SCAF8: variants seen among roughly 807,000 people sequenced by gnomAD.
The protein encoded by SCAF8 is SR-related CTD associated factor 8.
SCAF8 carries 23 observed loss-of-function variants against 140.5 expected under a neutral mutation model. The observed-to-expected ratio is 0.16, with a 90% CI of 0.12 to 0.23. The LOEUF (loss-of-function observed/expected upper bound fraction) is 0.23, where lower values mean the gene tolerates loss of function less well. SCAF8 is among the 10% of genes least tolerant of loss of function. The pLI, the probability that SCAF8 is intolerant of heterozygous loss-of-function variation, is 1.00. For missense variants in SCAF8, 1,397 were observed against 1,555.7 expected (o/e 0.90, Z 1.72); for synonymous variants, 575 against 528.9 (o/e 1.09, Z -1.20).
At chr6:154,818,192 T>C (rs1312599482) in intron 13 of SCAF8, among the ~76,000 whole-genome samples, 1 of 152,220 alleles carries the variant, frequency 6.6e-6, no homozygotes, top group Non-Finnish European at 1.5e-5. Flanking sequence ...ATAGTTCTTT[T>C]TCTGTATTCA....
Position 154,827,212 on chromosome 6 carries a change from C to G in SCAF8, c.2112C>G (p.Pro704=), listed in dbSNP as rs371340733. Residue 704 remains proline, a synonymous_variant, in exon 18 of 20, where the codon CCC becomes CCG. Coordinates refer to ENST00000367178, the MANE Select transcript of SCAF8 (RefSeq NM_014892.5). ...PPPVPPPVVP[P]PTIPPVVPTS... ...CAGTTCCCCCACCTGTTGTGCCACC[C>G]CCTACGATTCCACCAGTAGTACCAA... 289 of 1,604,874 alleles carry G rather than the reference C, an allele frequency of 1.8e-4. 2 individuals are homozygous for G. In the South Asian group the frequency reaches 1.8e-3, roughly 10 times the overall value.
chr6:154,826,954 G>A (rs1245180448), intron 17 of SCAF8, among the ~76,000 whole-genome samples: 2 of 152,084 alleles, frequency 1.3e-5, no homozygotes, highest in Non-Finnish European at 1.5e-5. Flanking sequence ...TAAATAGGAT[G>A]TTCTCATAAA....
At chr6:154,831,904 T>G in intron 19 of SCAF8, 35 bp from the exon 20 acceptor site, 3 of 1,541,180 alleles carry the variant, frequency 1.9e-6, no homozygotes, top group Non-Finnish European at 2.6e-6. Context: ...TTTTGACTGT[T>G]ATTTTGAGTT....
intron 2 of SCAF8, among the ~76,000 whole-genome samples, chr6:154,775,179 A>G (rs1776881210): frequency 6.6e-6 from 1 of 152,200 alleles, no homozygotes; most frequent in South Asian, 2.1e-4. Context: ...GCTAAAGCTT[A>G]GTTTTCAGAC....
In SCAF8 at chr6:154,780,615, A is replaced by G. The variant is rs1027060498; in HGVS notation, c.159+2570A>G. 1.3e-4 allele frequency among the ~76,000 whole-genome samples: 19 copies of G among 151,692 alleles called. No individual in the cohort carries two copies. The East Asian group carries it at 3.5e-3, about 28-fold the overall frequency. On this transcript the variant is annotated intron_variant, in intron 3 of 19. Coordinates refer to ENST00000367178, the MANE Select transcript of SCAF8 (RefSeq NM_014892.5). ...TCAACTCCCACTTACGAGTGAGAAC[A>G]TGGGATCTTTGGTTTTCTGTTCCTA...
chr6:154,819,077 C>T (rs922441704), intron 14 of SCAF8, among the ~76,000 whole-genome samples: 2 of 114,630 alleles, frequency 1.7e-5, no homozygotes, highest in Non-Finnish European at 1.8e-5. Context: ...AATCTTTATA[C>T]TGAGAGTTTT....
In SCAF8 at chr6:154,792,809, CT is replaced by C; in HGVS notation, c.322-7del. 1.9e-6 allele frequency: 3 copies of C among 1,563,296 alleles called. No homozygotes were observed. Among genetic ancestry groups the C allele is most frequent in the Non-Finnish European group, 1.7e-6 (2 of 1,153,674 alleles). ...GAGTAAAAACCAAAATGTCATGTTT[CT>C]TTTTTTCTCTAGAGTAAAATAGTGA... On this transcript the variant is annotated splice_polypyrimidine_tract_variant and intron_variant, in intron 4 of 19. Transcript: ENST00000367178.
At chr6:154,810,262 T>G (rs1778051846) in intron 12 of SCAF8, 54 bp downstream of exon 12, 2 of 1,341,562 alleles carry the variant, frequency 1.5e-6, no homozygotes, top group Admixed American at 5.0e-5. Context: ...TAAAAAATAG[T>G]TATCTGCTAC....
intron 1 of SCAF8, among the ~76,000 whole-genome samples, chr6:154,765,635 A>T (rs754710989): frequency 6.6e-6 from 1 of 152,210 alleles, no homozygotes; most frequent in South Asian, 2.1e-4. Context: ...GTTAAGTCAC[A>T]TATCTTTGAT....
chr6:154,791,585 A>T (rs1777420504), intron 4 of SCAF8, among the ~76,000 whole-genome samples: 1 of 152,302 alleles, frequency 6.6e-6, no homozygotes, highest in Non-Finnish European at 1.5e-5. Context: ...AAGAGACCCG[A>T]GAATCCTTCT....
At chr6:154,755,778 A>G (rs991202357) in intron 1 of SCAF8, among the ~76,000 whole-genome samples, 3 of 152,188 alleles carry the variant, frequency 2.0e-5, no homozygotes, top group Non-Finnish European at 4.4e-5. Context: ...TGCACTATAT[A>G]TTCCCATTAT....
chr6:154,817,188 G>T (rs1276044875), intron 13 of SCAF8, among the ~76,000 whole-genome samples: 2 of 152,100 alleles, frequency 1.3e-5, no homozygotes, highest in African/African-American at 4.8e-5. Flanking sequence ...AAAAATTAGG[G>T]ATGCCCATGC....
chr6:154,827,536 G>T (rs984501106), intron 18 of SCAF8, among the ~76,000 whole-genome samples: 3 of 152,088 alleles, frequency 2.0e-5, no homozygotes, highest in Admixed American at 2.0e-4. Context: ...GTGCAGTCCT[G>T]CCCCAGTCCT....
At chr6:154,779,777 G>A (rs1303060734) in intron 3 of SCAF8, among the ~76,000 whole-genome samples, 11 of 91,814 alleles carry the variant, frequency 1.2e-4, no homozygotes, top group African/African-American at 7.3e-4. Flanking sequence ...GTGTGTGTGT[G>A]TGTGTATATA....
At chr6:154,789,198 T>C (rs1583035822) in intron 4 of SCAF8, among the ~76,000 whole-genome samples, 1 of 152,120 alleles carries the variant, frequency 6.6e-6, no homozygotes, top group East Asian at 1.9e-4. Flanking sequence ...TACCTCTGCC[T>C]CCCGGGTTCA....
chr6:154,744,289 C>G (rs1317868460), intron 1 of SCAF8, among the ~76,000 whole-genome samples: 6 of 152,006 alleles, frequency 3.9e-5, no homozygotes, highest in Non-Finnish European at 7.4e-5. Context: ...AAGACTCTGG[C>G]TGGGTGTGGG....
intron 1 of SCAF8, among the ~76,000 whole-genome samples, chr6:154,750,444 G>C (rs984541349): frequency 5.3e-5 from 8 of 152,092 alleles, no homozygotes; most frequent in African/African-American, 1.9e-4. Flanking sequence ...TTCATCCTCA[G>C]GTTTGTCCTC....
intron 5 of SCAF8, among the ~76,000 whole-genome samples, chr6:154,793,490 A>T (rs1043893151): frequency 6.6e-6 from 1 of 151,542 alleles, no homozygotes; most frequent in South Asian, 2.1e-4. Context: ...TTTTTAAATA[A>T]TTTTTTCAAA....
At chr6:154,767,679 C>T (rs375704603) in intron 1 of SCAF8, among the ~76,000 whole-genome samples, 44 of 151,530 alleles carry the variant, frequency 2.9e-4, no homozygotes, top group African/African-American at 8.2e-4. Flanking sequence ...GGACTACAGG[C>T]GCAGGCCACC....
Sources: gnomAD v4.1 joint callset for allele counts (sites outside exome capture counted in the v4.1 genomes callset) on GRCh38, gnomAD v4.1.1 for gene constraint, MANE v1.5 for transcripts, NCBI Gene and HGNC (gene_info 2026-07-23, HGNC 2026-07-21) for gene names.